CDC27: variants seen among roughly 807,000 people sequenced by gnomAD.
CDC27 encodes the protein cell division cycle protein 27 homolog.
Under a neutral mutation model 109.7 loss-of-function variants are expected in CDC27, and 27 were observed. That is an observed-to-expected ratio of 0.25 (90% CI 0.18 to 0.34). CDC27 has a LOEUF of 0.34. Ranked by LOEUF, CDC27 falls within the 10% of genes least tolerant of loss-of-function variation. The pLI is 1.00. For synonymous variants in CDC27, 266 were observed against 333.9 expected (o/e 0.80, Z 2.22); for missense variants, 579 against 960.2 (o/e 0.60, Z 5.25).
chr17:47,188,967 T>C, intron 1 of CDC27, 179 bp downstream of exon 1: 1 of 1,456,372 alleles, frequency 6.9e-7, no homozygotes, highest in Non-Finnish European at 9.1e-7. Context: ...GGGCCAGAGG[T>C]AACACGGCTT....
At chr17:47,148,198 C>CAAAA (rs745397103) in intron 9 of CDC27, among the ~76,000 whole-genome samples, 1 of 89,104 alleles carries the variant, frequency 1.1e-5, no homozygotes. Context: ...GACTCTATCT[C>CAAAA]AAAAAAAAAA....
At chr17:47,159,637 C>G in intron 4 of CDC27, 1 of 454,124 alleles carries the variant, frequency 2.2e-6, no homozygotes. Flanking sequence ...CAGTGGCCAC[C>G]TCCTTGGAGC....
Position 47,138,862 on chromosome 17 carries a change from C to T in CDC27, c.1581G>A (p.Arg527=), listed in dbSNP as rs1161085615. ...QAERIFSEVR[R]IENYRVEGME... is the part of the protein sequence containing the mutation. Reference sequence around the variant, plus strand: ...TGCCTTCAACTCTATAATTCTCAATCCTTCTAACCTCTGAGAATATTCTTT... The same window carrying T: ...TGCCTTCAACTCTATAATTCTCAATTCTTCTAACCTCTGAGAATATTCTTT... The change falls in exon 13 of 19, where the codon AGG becomes AGA. Residue 527 remains arginine, a synonymous_variant. Coordinates refer to ENST00000066544, the MANE Select transcript of CDC27 (RefSeq NM_001256.6). 2.5e-6 allele frequency: 4 copies of T among 1,589,048 alleles called. No homozygotes were observed. The highest frequency in any genetic ancestry group is 1.4e-5 in the African/African-American group (1 of 73,690).
intron 16 of CDC27, among the ~76,000 whole-genome samples, chr17:47,124,410 C>T (rs2062074134): frequency 1.3e-5 from 2 of 151,878 alleles, no homozygotes; most frequent in Admixed American, 1.3e-4. Context: ...CAGCCTCCCG[C>T]GTAACTGGGA....
chr17:47,134,031 G>A (rs867735693), intron 14 of CDC27, among the ~76,000 whole-genome samples: 74 of 152,230 alleles, frequency 4.9e-4, no homozygotes, highest in African/African-American at 1.6e-3. Flanking sequence ...GATTGCAGGT[G>A]TGAGCTACCA....
rs189552691 is a variant in CDC27 at position 47,183,970 on chromosome 17, T to C, written c.28-2333A>G. On this transcript the variant is annotated intron_variant, in intron 1 of 18. Coordinates refer to ENST00000066544, the MANE Select transcript of CDC27 (RefSeq NM_001256.6). The stretch of plus-strand genomic sequence containing the variant: ...GAAACTCTGTGATAAATAGAAGAAT[T>C]ATTTTATTATGCAAATAATTACCAC... Among the ~76,000 whole-genome samples, 315 of 152,352 alleles carry C rather than the reference T, an allele frequency of 2.1e-3. 2 individuals carry two copies. The highest frequency in any genetic ancestry group is 6.9e-3 in the African/African-American group (288 of 41,574).
chr17:47,164,540 G>C (rs1442659498), intron 4 of CDC27, among the ~76,000 whole-genome samples: 1 of 152,188 alleles, frequency 6.6e-6, no homozygotes, highest in Non-Finnish European at 1.5e-5. Context: ...AACTACGCTG[G>C]ACACGGTGGC....
chr17:47,168,750 C>T (rs1306853714), intron 4 of CDC27, among the ~76,000 whole-genome samples: 6 of 152,058 alleles, frequency 3.9e-5, no homozygotes, highest in Non-Finnish European at 7.4e-5. Flanking sequence ...CACCGTTACA[C>T]CTGAAAACGG....
At chr17:47,147,016 T>A (rs1217525002) in intron 9 of CDC27, among the ~76,000 whole-genome samples, 1 of 152,064 alleles carries the variant, frequency 6.6e-6, no homozygotes, top group Non-Finnish European at 1.5e-5. Context: ...TGAGCTATAA[T>A]CACACCACTG....
At chr17:47,124,036 T>A in intron 16 of CDC27, 76 bp from the exon 17 acceptor site, 1 of 874,660 alleles carries the variant, frequency 1.1e-6, no homozygotes, top group Non-Finnish European at 1.7e-6. Flanking sequence ...CTTATTTGAT[T>A]TCCCAAATCA....
chr17:47,143,193 A>G (rs1217943716), intron 10 of CDC27, among the ~76,000 whole-genome samples: 3 of 151,746 alleles, frequency 2.0e-5, no homozygotes, highest in Non-Finnish European at 4.4e-5. Flanking sequence ...CAAACTCCTA[A>G]GCTCAAGTGA....
rs536202280 is a variant in CDC27, at chr17:47,137,376, A to G, written c.1705-16T>C. The G allele has an allele frequency of 2.7e-6, 4 of 1,497,336 alleles. No homozygotes were observed. Among genetic ancestry groups the G allele is most frequent in the Non-Finnish European group, 3.6e-6 (4 of 1,110,912 alleles). The allele number at this position is 1,497,336 out of a possible 1,614,324, so 92.8% of individuals were successfully genotyped here. On this transcript the variant is annotated splice_polypyrimidine_tract_variant and intron_variant, in intron 13 of 18. Coordinates refer to ENST00000066544, the MANE Select transcript of CDC27 (RefSeq NM_001256.6). Reference sequence around the variant, plus strand: ...CACACCAGGCCTTAAAAAAATGGGAACAAAAACCAAACAGAATTAAAATTT... The same window carrying G: ...CACACCAGGCCTTAAAAAAATGGGAGCAAAAACCAAACAGAATTAAAATTT...
chr17:47,130,162 C>A (rs530432117), intron 15 of CDC27, among the ~76,000 whole-genome samples: 70 of 152,166 alleles, frequency 4.6e-4, no homozygotes, highest in African/African-American at 1.6e-3. Context: ...GAGATCGAGA[C>A]CATCCTGGCT....
intron 4 of CDC27, among the ~76,000 whole-genome samples, chr17:47,160,352 C>T (rs113228467): frequency 6.6e-6 from 1 of 151,768 alleles, no homozygotes; most frequent in Non-Finnish European, 1.5e-5. Context: ...CTCAGCCTCC[C>T]GAGTAGCTGG....
intron 2 of CDC27, among the ~76,000 whole-genome samples, chr17:47,179,717 GTGAGGTTCTATAT>G (rs1265620238): frequency 6.6e-6 from 1 of 152,082 alleles, no homozygotes; most frequent in Non-Finnish European, 1.5e-5. Context: ...AAACCGAATG[GTGAGGTTCTATAT>G]TGAAAGAAAC....
chr17:47,188,686 C>A (rs2064544849), intron 1 of CDC27: 7 of 901,712 alleles, frequency 7.8e-6, no homozygotes, highest in Non-Finnish European at 9.3e-6. Context: ...ACCGATCCTA[C>A]GCTCCCTCCA....
rs1230722632 is a variant in CDC27 at position 47,118,170 on chromosome 17, A to G, written c.*2765T>C. On this transcript the variant is annotated 3_prime_UTR_variant, in exon 19 of 19. Transcript: ENST00000066544. Reference sequence around the variant, plus strand: ...ATTTCTCAGTGAAGACTCATACTATACTCTGGCTAATCAGAGACTTCCAAA... The same window carrying G: ...ATTTCTCAGTGAAGACTCATACTATGCTCTGGCTAATCAGAGACTTCCAAA... The G allele has an allele frequency of 6.6e-6, 1 of 152,136 alleles. No individual in the cohort carries two copies. The highest frequency in any genetic ancestry group is 1.5e-5 in the Non-Finnish European group (1 of 68,012). 9.4% of individuals were successfully genotyped at this position (152,136 alleles called of 1,614,324 possible). A position where few individuals can be genotyped will look rare whatever the true frequency, so the allele number is the denominator to read the frequency against.
chr17:47,149,239 G>C (rs1023514629), intron 9 of CDC27, among the ~76,000 whole-genome samples: 1 of 151,338 alleles, frequency 6.6e-6, no homozygotes, highest in African/African-American at 2.4e-5. Flanking sequence ...GGCCAGGTGC[G>C]GTGGGGCTCA....
chr17:47,170,328 G>T (rs1354466922), intron 3 of CDC27: 1 of 192,106 alleles, frequency 5.2e-6, no homozygotes, highest in African/African-American at 2.3e-5. Flanking sequence ...CTTGTGAGTA[G>T]CTGGGACTAC....
Sources: allele counts gnomAD v4.1 joint callset (sites outside exome capture counted in the v4.1 genomes callset), GRCh38; gene constraint gnomAD v4.1.1; transcripts MANE v1.5; gene names NCBI Gene and HGNC (gene_info 2026-07-23, HGNC 2026-07-21).